Variants in BMP3 observed in about 807,000 individuals in gnomAD.
BMP3 encodes bone morphogenetic protein 3 (osteogenic).
BMP3 carries 23 observed loss-of-function variants against 38.1 expected under a neutral mutation model. The ratio of observed to expected loss-of-function variants is 0.60; its 90% CI spans 0.43 to 0.86. BMP3 has a LOEUF of 0.86. BMP3 is among the 40% of genes least tolerant of loss of function. The probability of loss-of-function intolerance (pLI) is 0.00; values close to 1 mark genes in which losing one functional copy is unlikely to be tolerated. For synonymous variants in BMP3, 258 were observed against 225.7 expected, an observed-to-expected ratio of 1.14 and a Z score of -1.28; for missense variants, 628 against 579.6, an observed-to-expected ratio of 1.08 and a Z score of -0.86.
chr4:81,053,769 T>C lies in BMP3; in HGVS notation c.*233T>C, dbSNP rs1345434532. On this transcript the variant is annotated 3_prime_UTR_variant, in exon 3 of 3. Transcript: ENST00000282701. ...GATTTTTAGTAAATATGGACATCTA[T>C]TTCTCTTTTTGTAATCAAACACAAC... is the stretch of plus-strand genomic sequence containing the variant. 4 of 301,932 alleles carry C rather than the reference T, an allele frequency of 1.3e-5. No individual in the cohort carries two copies. The highest frequency in any genetic ancestry group is 1.8e-5 in the Non-Finnish European group (3 of 165,762). 18.7% of individuals were successfully genotyped at this position (301,932 alleles called of 1,614,324 possible).
rs1387050359 is a variant in BMP3, at chr4:81,055,769, A to G, written c.*2233A>G. Reference sequence around the variant, plus strand: ...GCCTAGTTATTACAGATTGCACCCCACAATGGCCAAAAACCCACTACATAA... The same window carrying G: ...GCCTAGTTATTACAGATTGCACCCCGCAATGGCCAAAAACCCACTACATAA... On this transcript the variant is annotated 3_prime_UTR_variant, in exon 3 of 3. Transcript: ENST00000282701. The G allele has an allele frequency of 6.6e-6, 1 of 152,126 alleles. No homozygotes were observed. Among genetic ancestry groups the G allele is most frequent in the Admixed American group, 6.6e-5 (1 of 15,256 alleles). 9.4% of individuals were successfully genotyped at this position (152,126 alleles called of 1,614,324 possible). A position where few individuals can be genotyped will look rare whatever the true frequency, so the allele number is the denominator to read the frequency against.
At chr4:81,041,279 C>G (rs1740068162) in intron 1 of BMP3, among the ~76,000 whole-genome samples, 1 of 152,170 alleles carries the variant, frequency 6.6e-6, no homozygotes, top group African/African-American at 2.4e-5. Context: ...CAATTTTTTT[C>G]ATCCATTGTA....
chr4:81,043,035 G>C (rs1008092473), intron 1 of BMP3, among the ~76,000 whole-genome samples: 6 of 152,186 alleles, frequency 3.9e-5, no homozygotes, highest in Non-Finnish European at 8.8e-5. Context: ...AATAGAATAT[G>C]TTTCCCATTG....
intron 2 of BMP3, among the ~76,000 whole-genome samples, chr4:81,050,480 G>C (rs185543684): frequency 6.6e-6 from 1 of 151,248 alleles, no homozygotes; most frequent in Non-Finnish European, 1.5e-5. Context: ...TGATTGAGCT[G>C]TTGTCACTGA....
chr4:81,031,293 G>C lies in BMP3; in HGVS notation c.9G>C (p.Gly3=). MA[G]ASRLLFLWLG... is the part of the protein sequence containing the mutation. ...CGCGCGGGTACCTAGCCATGGCTGG[G>C]GCGAGCAGGCTGCTCTTTCTGTGGC... is the stretch of plus-strand genomic sequence containing the variant. Residue 3 remains glycine (G), a synonymous_variant, in exon 1 of 3, where the codon GGG becomes GGC. Coordinates refer to ENST00000282701, the MANE Select transcript of BMP3 (RefSeq NM_001201.5). 6.2e-7 allele frequency: 1 copy of C among 1,602,974 alleles called. No individual in the cohort carries two copies. Among genetic ancestry groups the C allele is most frequent in the African/African-American group, 1.3e-5 (1 of 74,884 alleles).
At chr4:81,039,853 T>C (rs1158800715) in intron 1 of BMP3, among the ~76,000 whole-genome samples, 1 of 152,144 alleles carries the variant, frequency 6.6e-6, no homozygotes, top group Non-Finnish European at 1.5e-5. Context: ...AAGGAACTTA[T>C]GGCCTTAAGA....
In BMP3 at chr4:81,057,522, G is replaced by T. The variant is rs1024409824; in HGVS notation, c.*3986G>T. On this transcript the variant is annotated 3_prime_UTR_variant, in exon 3 of 3. Coordinates refer to ENST00000282701, the MANE Select transcript of BMP3 (RefSeq NM_001201.5). ...ATTATACAGTATGGAAATAAAAATT[G>T]CTTCATTGACCATTCATTTTTACTT... The T allele has an allele frequency of 6.6e-6, 1 of 152,012 alleles. No homozygotes were observed. The highest frequency in any genetic ancestry group is 1.5e-5 in the Non-Finnish European group (1 of 67,954). The allele number at this position is 152,012 out of a possible 1,614,324, so 9.4% of individuals were successfully genotyped here. A position where few individuals can be genotyped will look rare whatever the true frequency, so the allele number is the denominator to read the frequency against.
chr4:81,047,879 G>GCT (rs1343739764), intron 2 of BMP3, among the ~76,000 whole-genome samples: 4 of 143,132 alleles, frequency 2.8e-5, no homozygotes, highest in African/African-American at 1.0e-4. Context: ...GTTGGAGTAA[G>GCT]CTCTGATTGC....
At chr4:81,038,811 C>T (rs1373722826) in intron 1 of BMP3, among the ~76,000 whole-genome samples, 3 of 152,098 alleles carry the variant, frequency 2.0e-5, no homozygotes, top group East Asian at 1.9e-4. Context: ...TTAAGTGCTC[C>T]AGGCTGTGTG....
At chr4:81,040,419 C>T (rs971770752) in intron 1 of BMP3, among the ~76,000 whole-genome samples, 1 of 152,180 alleles carries the variant, frequency 6.6e-6, no homozygotes, top group East Asian at 1.9e-4. Context: ...CCCAGTCCCA[C>T]AGATGGATCT....
rs1740460977 is a variant in BMP3, at chr4:81,053,607, T to G, written c.*71T>G. The G allele has an allele frequency of 1.4e-5, 11 of 787,996 alleles. No individual in the cohort carries two copies. Among genetic ancestry groups the G allele is most frequent in the Non-Finnish European group, 2.0e-5 (11 of 558,914 alleles). The allele number at this position is 787,996 out of a possible 1,614,324, so 48.8% of individuals were successfully genotyped here. On this transcript the variant is annotated 3_prime_UTR_variant, in exon 3 of 3. Transcript: ENST00000282701. ...TTTTTATGGACTTCTTCCTGTTTTT[T>G]TTTTTTTTTTTTTTGCACTGCCAAT...
chr4:81,048,197 C>G (rs574911303), intron 2 of BMP3, among the ~76,000 whole-genome samples: 3 of 152,132 alleles, frequency 2.0e-5, no homozygotes, highest in Non-Finnish European at 2.9e-5. Context: ...ACTGATCAAA[C>G]AAAGTTGTTC....
chr4:81,047,462 A>G (rs1578299123), intron 2 of BMP3, among the ~76,000 whole-genome samples: 1 of 152,186 alleles, frequency 6.6e-6, no homozygotes, highest in East Asian at 1.9e-4. Context: ...CCTCTATAGT[A>G]AAATATAGTG....
chr4:81,050,546 G>A (rs548526726), intron 2 of BMP3, among the ~76,000 whole-genome samples: 33 of 151,452 alleles, frequency 2.2e-4, no homozygotes, highest in Middle Eastern at 6.8e-3. Context: ...TTTTGCAAAA[G>A]CTATAAATAG....
intron 2 of BMP3, among the ~76,000 whole-genome samples, chr4:81,048,371 G>A (rs981970563): frequency 2.0e-5 from 3 of 152,168 alleles, no homozygotes; most frequent in Non-Finnish European, 2.9e-5. Context: ...GTTGGGTCTC[G>A]AAGTTTTCCA....
chr4:81,031,176 C>A lies in BMP3; in HGVS notation c.-109C>A. 8.2e-7 allele frequency: 1 copy of A among 1,226,794 alleles called. No homozygotes were observed. Among genetic ancestry groups the A allele is most frequent in the Non-Finnish European group, 1.1e-6 (1 of 907,018 alleles). 76.0% of individuals were successfully genotyped at this position (1,226,794 alleles called of 1,614,324 possible). A position where few individuals can be genotyped will look rare whatever the true frequency, so the allele number is the denominator to read the frequency against. The stretch of plus-strand genomic sequence containing the variant: ...CCGCGTCCCGGGCTCCGTGCGCCCT[C>A]GCCCCAGCTGGTTTGGAGTTCAACC... On this transcript the variant is annotated 5_prime_UTR_variant, in exon 1 of 3. Transcript: ENST00000282701.
At chr4:81,051,076 C>T (rs1740390402) in intron 2 of BMP3, among the ~76,000 whole-genome samples, 1 of 151,798 alleles carries the variant, frequency 6.6e-6, no homozygotes, top group Non-Finnish European at 1.5e-5. Context: ...TAAGATACAC[C>T]AATGCAGAAT....
chr4:81,041,080 T>A (rs1480157693), intron 1 of BMP3, among the ~76,000 whole-genome samples: 1 of 152,168 alleles, frequency 6.6e-6, no homozygotes, highest in Non-Finnish European at 1.5e-5. Flanking sequence ...AGAGAGACAA[T>A]GCAAATCTTC....
At chr4:81,052,961 C>T (rs1740435800) in intron 2 of BMP3, among the ~76,000 whole-genome samples, 1 of 151,984 alleles carries the variant, frequency 6.6e-6, no homozygotes, top group Non-Finnish European at 1.5e-5. Flanking sequence ...TGTATTAATT[C>T]CATGTTTGGG....
Sources: gnomAD v4.1 joint callset for allele counts (sites outside exome capture counted in the v4.1 genomes callset) on GRCh38, gnomAD v4.1.1 for gene constraint, MANE v1.5 for transcripts, NCBI Gene and HGNC (gene_info 2026-07-23, HGNC 2026-07-21) for gene names.